Variants in ARHGAP8 observed in about 807,000 individuals in gnomAD.
ARHGAP8 encodes Rho GTPase activating protein 8, also known as rho GTPase-activating protein 8.
A neutral mutation model predicts 46.1 loss-of-function variants in ARHGAP8; 62 were observed. The observed-to-expected ratio is 1.34, with a 90% CI of 1.10 to 1.66. ARHGAP8 has a LOEUF of 1.66. Ranked by LOEUF, ARHGAP8 falls within the 40% of genes most tolerant of loss-of-function variation. The probability of loss-of-function intolerance (pLI) is 0.00; values close to 1 mark genes in which losing one functional copy is unlikely to be tolerated. For missense variants in ARHGAP8, 923 were observed against 568.4 expected, an observed-to-expected ratio of 1.62 and a Z score of -6.34; for synonymous variants, 375 against 243.1, an observed-to-expected ratio of 1.54 and a Z score of -5.05.
intron 1 of ARHGAP8, among the ~76,000 whole-genome samples, chr22:44,756,695 C>T (rs1924710149): frequency 6.6e-6 from 1 of 151,426 alleles, no homozygotes; most frequent in Non-Finnish European, 1.5e-5. Flanking sequence ...TCCCAGACCT[C>T]ATGCTCCATA....
intron 2 of ARHGAP8, among the ~76,000 whole-genome samples, chr22:44,792,758 A>C (rs1667523136): frequency 1.3e-5 from 2 of 151,304 alleles, no homozygotes. Flanking sequence ...TGCTTGGCCA[A>C]ATGGAAGCTT....
intron 10 of ARHGAP8, among the ~76,000 whole-genome samples, chr22:44,853,582 A>G (rs1186526498): frequency 6.6e-6 from 1 of 152,196 alleles, no homozygotes; most frequent in Non-Finnish European, 1.5e-5. Flanking sequence ...GTCTGGTTTC[A>G]TTAGAATTTG....
intron 4 of ARHGAP8, among the ~76,000 whole-genome samples, chr22:44,811,633 C>A (rs1331364296): frequency 6.6e-6 from 1 of 152,156 alleles, no homozygotes; most frequent in Admixed American, 6.6e-5. Flanking sequence ...GAGGGACACT[C>A]TAGGCATCAA....
rs58041776 is a variant in ARHGAP8 at position 44,772,352 on chromosome 22, C to CTTT, written c.-71-14091_-71-14089dup. On this transcript the variant is annotated intron_variant, in intron 1 of 11. Coordinates refer to ENST00000356099, the MANE Select transcript of ARHGAP8 (RefSeq NM_181335.3). ...ACTTTTTTTTTGTATTTTCTTTTTTCTTTTTTTTTTTTTTTTAAGTAGAGA... is the reference window on the plus strand; with the variant it reads ...ACTTTTTTTTTGTATTTTCTTTTTTCTTTTTTTTTTTTTTTTTTTAAGTAGAGA... Among the ~76,000 whole-genome samples, 604 of 92,406 alleles carry CTTT rather than the reference C, an allele frequency of 6.5e-3. 28 individuals carry two copies. Among genetic ancestry groups the CTTT allele is most frequent in the African/African-American group, 0.023 (528 of 23,210 alleles). The allele number at this position is 92,406 out of a possible 152,430, so 60.6% of individuals were successfully genotyped here. A position where few individuals can be genotyped will look rare whatever the true frequency, so the allele number is the denominator to read the frequency against.
intron 1 of ARHGAP8, among the ~76,000 whole-genome samples, chr22:44,764,883 C>T (rs1925433103): frequency 1.3e-5 from 2 of 152,198 alleles, no homozygotes; most frequent in South Asian, 4.1e-4. Context: ...GAGAGGGGCT[C>T]CCGGGGCTCA....
Position 44,848,831 on chromosome 22 carries a change from TC to T in ARHGAP8, c.749-98del, listed in dbSNP as rs2070024303. The T allele has an allele frequency of 1.5e-5, 23 of 1,564,648 alleles. No individual in the cohort carries two copies. The South Asian group carries it at 2.3e-4, about 16-fold the overall frequency. ...ACACATGGCTCCAGCATCAGGTGCG[TC>T]CCATCCGGACATCTCACGCCCTGTG... On this transcript the variant is annotated intron_variant, in intron 9 of 11. Coordinates refer to ENST00000356099, the MANE Select transcript of ARHGAP8 (RefSeq NM_181335.3).
At chr22:44,844,418 C>G (rs2069905166) in intron 7 of ARHGAP8, among the ~76,000 whole-genome samples, 1 of 152,124 alleles carries the variant, frequency 6.6e-6, no homozygotes, top group East Asian at 1.9e-4. Flanking sequence ...TCTAAGTGGC[C>G]TAAACATTCC....
intron 2 of ARHGAP8, among the ~76,000 whole-genome samples, chr22:44,787,321 CTTTGTTTTGT>C (rs150868916): frequency 0.011 from 1,633 of 150,732 alleles, 25 homozygotes; most frequent in African/African-American, 0.033. Flanking sequence ...TCTTGCGTTG[CTTTGTTTTGT>C]TTTGTTTTGT....
intron 5 of ARHGAP8, among the ~76,000 whole-genome samples, chr22:44,818,265 A>G (rs569921623): frequency 2.9e-4 from 44 of 152,088 alleles, no homozygotes; most frequent in Non-Finnish European, 5.4e-4. Flanking sequence ...CCTGACCAAC[A>G]TGGTGAAACC....
intron 7 of ARHGAP8, among the ~76,000 whole-genome samples, chr22:44,843,900 GACTGTATT>G (rs1206552738): frequency 1.3e-5 from 2 of 149,786 alleles, no homozygotes; most frequent in African/African-American, 4.9e-5. Flanking sequence ...ATTTGAAATA[GACTGTATT>G]ACATTAAATA....
At chr22:44,851,393 ATATT>A (rs35942720) in intron 10 of ARHGAP8, among the ~76,000 whole-genome samples, 50,151 of 150,998 alleles carry the variant, frequency 0.33, 9,396 homozygotes, top group African/African-American at 0.52. Flanking sequence ...AGCCTTTTAA[ATATT>A]TATTTATTTA....
intron 10 of ARHGAP8, among the ~76,000 whole-genome samples, chr22:44,859,309 A>C (rs964000834): frequency 1.3e-5 from 2 of 151,986 alleles, no homozygotes; most frequent in Non-Finnish European, 2.9e-5. Context: ...TGTCCTCGAG[A>C]TAGTGAGTTC....
intron 1 of ARHGAP8, among the ~76,000 whole-genome samples, chr22:44,753,661 A>G (rs4372): frequency 0.27 from 40,881 of 151,466 alleles, 5,958 homozygotes; most frequent in South Asian, 0.49. Context: ...CCACACCCTG[A>G]CTTGGAAATT....
intron 10 of ARHGAP8, among the ~76,000 whole-genome samples, chr22:44,856,352 C>T (rs1807667): frequency 0.75 from 109,905 of 146,894 alleles, 40,976 homozygotes; most frequent in Non-Finnish European, 0.76. Context: ...CTACTCACTA[C>T]AACCTCTGCC....
intron 10 of ARHGAP8, 168 bp from the exon 11 acceptor site, chr22:44,859,563 G>A (rs753029479): frequency 4.5e-6 from 3 of 659,780 alleles, no homozygotes; most frequent in Non-Finnish European, 7.8e-6. Context: ...ACACAGGTTT[G>A]CTGAGCAGAG....
intron 2 of ARHGAP8, among the ~76,000 whole-genome samples, chr22:44,787,758 G>A (rs1927364833): frequency 6.6e-6 from 1 of 152,048 alleles, no homozygotes; most frequent in Non-Finnish European, 1.5e-5. Flanking sequence ...TCATCTCTGA[G>A]GGGCCTGGAA....
At chr22:44,812,381 G>A (rs34628628) in intron 4 of ARHGAP8, among the ~76,000 whole-genome samples, 68,444 of 140,270 alleles carry the variant, frequency 0.49, 17,286 homozygotes, top group South Asian at 0.6. Context: ...TTTTTGAGAC[G>A]GAGTCTTGCT....
intron 1 of ARHGAP8, among the ~76,000 whole-genome samples, chr22:44,774,013 C>G (rs1047750567): frequency 6.6e-6 from 1 of 152,216 alleles, no homozygotes; most frequent in Non-Finnish European, 1.5e-5. Context: ...CTTATATTCT[C>G]TCTATGAGGA....
intron 5 of ARHGAP8, among the ~76,000 whole-genome samples, chr22:44,817,133 C>T (rs191581303): frequency 0.059 from 8,933 of 150,202 alleles, 543 homozygotes; most frequent in African/African-American, 0.15. Flanking sequence ...TTGATCCACC[C>T]GCCTCGGCCT....
Sources: allele counts gnomAD v4.1 joint callset (sites outside exome capture counted in the v4.1 genomes callset), GRCh38; gene constraint gnomAD v4.1.1; transcripts MANE v1.5; gene names NCBI Gene and HGNC (gene_info 2026-07-23, HGNC 2026-07-21).